NRG1: variants seen among roughly 807,000 people sequenced by gnomAD.
The protein encoded by NRG1 is pro-neuregulin-1, membrane-bound isoform.
NRG1 carries 18 observed loss-of-function variants against 63.8 expected under a neutral mutation model. The ratio of observed to expected loss-of-function variants is 0.28; its 90% CI spans 0.19 to 0.42. The LOEUF is 0.42. Among genes scored for constraint, NRG1 ranks in the 10% least tolerant of loss-of-function variants. The probability of loss-of-function intolerance (pLI) is 1.00; values close to 1 mark genes in which losing one functional copy is unlikely to be tolerated. For missense variants in NRG1, 762 were observed against 814.7 expected, an observed-to-expected ratio of 0.94 and a Z score of 0.79; for synonymous variants, 302 against 301.3, an observed-to-expected ratio of 1.00 and a Z score of -0.02.
intron 1 of NRG1, among the ~76,000 whole-genome samples, chr8:31,768,236 A>G (rs1033942337): frequency 2.6e-5 from 4 of 152,178 alleles, no homozygotes; most frequent in Non-Finnish European, 4.4e-5. Context: ...TTTAATAATG[A>G]CTTTAGACAG....
chr8:31,838,327 C>G (rs73244373), intron 1 of NRG1, among the ~76,000 whole-genome samples: 3,223 of 152,112 alleles, frequency 0.021, 36 homozygotes, highest in South Asian at 0.049. Flanking sequence ...CCTGTACCAC[C>G]TGTTTTAATT....
intron 1 of NRG1, among the ~76,000 whole-genome samples, chr8:31,992,286 G>A (rs1268931779): frequency 1.3e-5 from 2 of 152,018 alleles, no homozygotes; most frequent in Non-Finnish European, 2.9e-5. Flanking sequence ...GGAAAAGGGG[G>A]TACCAAAAAA....
Position 32,026,365 on chromosome 8 carries a change from G to A in NRG1, c.37+386934G>A, listed in dbSNP as rs545288524. Reference sequence around the variant, plus strand: ...TTCATCTCTTTGGCTGGATTTTGTGGTAAAGTAGTTTTTTGCTTATTTTTT... The same window carrying A: ...TTCATCTCTTTGGCTGGATTTTGTGATAAAGTAGTTTTTTGCTTATTTTTT... On this transcript the variant is annotated intron_variant, in intron 1 of 10. Transcript: ENST00000519301. 3.3e-5 allele frequency: 5 copies of A among 152,196 alleles called. No individual in the cohort carries two copies. The South Asian group carries it at 1.0e-3, about 32-fold the overall frequency. The allele number at this position is 152,196 out of a possible 1,614,324, so 9.4% of individuals were successfully genotyped here. A position where few individuals can be genotyped will look rare whatever the true frequency, so the allele number is the denominator to read the frequency against.
chr8:31,835,812 G>C (rs563511542), intron 1 of NRG1, among the ~76,000 whole-genome samples: 1 of 152,104 alleles, frequency 6.6e-6, no homozygotes, highest in Non-Finnish European at 1.5e-5. Flanking sequence ...TCAGTTTATA[G>C]AGTCTGCTAG....
intron 1 of NRG1, among the ~76,000 whole-genome samples, chr8:32,258,186 C>A (rs187899653): frequency 6.6e-6 from 1 of 152,138 alleles, no homozygotes; most frequent in Non-Finnish European, 1.5e-5. Flanking sequence ...TATGCATTTA[C>A]GTGTGAAGGA....
intron 1 of NRG1, among the ~76,000 whole-genome samples, chr8:32,389,108 C>T (rs1437049578): frequency 6.6e-6 from 1 of 152,158 alleles, no homozygotes; most frequent in Non-Finnish European, 1.5e-5. Flanking sequence ...TGTCTTAAAA[C>T]GTCTGTCCAG....
chr8:31,639,781 C>T (rs1459301815), intron 1 of NRG1: 4 of 1,299,342 alleles, frequency 3.1e-6, no homozygotes, highest in South Asian at 2.1e-5. Flanking sequence ...ACCTCTTCGC[C>T]TTTCTGTGGT....
At chr8:32,181,316 C>T (rs1841408031) in intron 1 of NRG1, among the ~76,000 whole-genome samples, 1 of 152,196 alleles carries the variant, frequency 6.6e-6, no homozygotes, top group Admixed American at 6.5e-5. Flanking sequence ...ACTCACTTAT[C>T]TACCCTTCTT....
chr8:31,799,673 A>G (rs1481741023), intron 1 of NRG1, among the ~76,000 whole-genome samples: 1 of 152,066 alleles, frequency 6.6e-6, no homozygotes, highest in Non-Finnish European at 1.5e-5. Context: ...TTTTCCAATG[A>G]GATATATCTA....
chr8:32,242,398 C>CG (rs1273213882), intron 1 of NRG1, among the ~76,000 whole-genome samples: 1 of 151,986 alleles, frequency 6.6e-6, no homozygotes, highest in East Asian at 1.9e-4. Flanking sequence ...CACTTGAACC[C>CG]GGGAGGCGGA....
At chr8:31,950,665 G>T (rs1239860550) in intron 1 of NRG1, among the ~76,000 whole-genome samples, 1 of 152,106 alleles carries the variant, frequency 6.6e-6, no homozygotes, top group Non-Finnish European at 1.5e-5. Flanking sequence ...TGGCTGTCTA[G>T]GCTCTCTGAT....
At chr8:31,963,785 C>T (rs1278859792) in intron 1 of NRG1, among the ~76,000 whole-genome samples, 1 of 152,124 alleles carries the variant, frequency 6.6e-6, no homozygotes, top group African/African-American at 2.4e-5. Context: ...ACAGTTTGTG[C>T]TTTTCTTGTA....
chr8:31,645,365 T>G (rs1585369864), intron 1 of NRG1, among the ~76,000 whole-genome samples: 1 of 152,296 alleles, frequency 6.6e-6, no homozygotes, highest in East Asian at 1.9e-4. Flanking sequence ...AACTTGGTCA[T>G]TTTAAGTTGA....
intron 1 of NRG1, among the ~76,000 whole-genome samples, chr8:32,396,753 A>G (rs898430886): frequency 1.3e-5 from 2 of 152,142 alleles, no homozygotes; most frequent in East Asian, 3.9e-4. Context: ...TGGCCCAAAT[A>G]GTACATATTT....
chr8:32,340,000 A>G (rs1479352579), intron 1 of NRG1, among the ~76,000 whole-genome samples: 1 of 152,098 alleles, frequency 6.6e-6, no homozygotes, highest in East Asian at 1.9e-4. Flanking sequence ...TGACTGCAAG[A>G]TAACTTGACT....
chr8:32,706,300 AT>A (rs1453361636), intron 5 of NRG1, among the ~76,000 whole-genome samples: 1 of 152,238 alleles, frequency 6.6e-6, no homozygotes, highest in East Asian at 1.9e-4. Context: ...GCATAGATAT[AT>A]TAGAATACTT....
chr8:32,001,239 A>G (rs1224947044), intron 1 of NRG1, among the ~76,000 whole-genome samples: 4 of 151,938 alleles, frequency 2.6e-5, no homozygotes, highest in Admixed American at 2.0e-4. Flanking sequence ...CATGGGAGGG[A>G]CCCAGTGGGA....
intron 1 of NRG1, among the ~76,000 whole-genome samples, chr8:32,037,582 T>C (rs1819274862): frequency 6.6e-6 from 1 of 152,206 alleles, no homozygotes; most frequent in Non-Finnish European, 1.5e-5. Flanking sequence ...TATGGGCTCC[T>C]TTCAGGGAGA....
At chr8:31,889,421 T>C (rs191994680) in intron 1 of NRG1, among the ~76,000 whole-genome samples, 32 of 152,076 alleles carry the variant, frequency 2.1e-4, no homozygotes, top group Admixed American at 2.1e-3. Context: ...AAACATCCCA[T>C]GGAAATGGCA....
Sources: allele counts gnomAD v4.1 joint callset (sites outside exome capture counted in the v4.1 genomes callset), GRCh38; gene constraint gnomAD v4.1.1; transcripts MANE v1.5; gene names NCBI Gene and HGNC (gene_info 2026-07-23, HGNC 2026-07-21).